The following CYP2C8 variants were observed in gnomAD, a reference collection of about 807,000 sequenced individuals.
The protein encoded by CYP2C8 is cytochrome P450 2C8.
A neutral mutation model predicts 41.3 loss-of-function variants in CYP2C8; 51 were observed. That is an observed-to-expected ratio of 1.24 (90% CI 0.99 to 1.56). The LOEUF (loss-of-function observed/expected upper bound fraction) is 1.56, where lower values mean the gene tolerates loss of function less well. CYP2C8 is among the 40% of genes most tolerant of loss of function. The probability of loss-of-function intolerance (pLI) is 0.00; values close to 1 mark genes in which losing one functional copy is unlikely to be tolerated. For missense variants in CYP2C8, 651 were observed against 579.9 expected (o/e 1.12, Z -1.26); for synonymous variants, 218 against 205.8 (o/e 1.06, Z -0.51).
chr10:95,055,199 C>T (rs1326981047), intron 5 of CYP2C8, among the ~76,000 whole-genome samples: 1 of 151,812 alleles, frequency 6.6e-6, no homozygotes, highest in African/African-American at 2.4e-5. Flanking sequence ...TTCCAGACTT[C>T]AAAACAAAAC....
At chr10:95,045,574 T>G (rs1376605820) in intron 6 of CYP2C8, among the ~76,000 whole-genome samples, 1 of 152,228 alleles carries the variant, frequency 6.6e-6, no homozygotes, top group African/African-American at 2.4e-5. Context: ...TCCAGACACT[T>G]CATCAGTGCT....
chr10:95,064,826 T>C lies in CYP2C8; in HGVS notation c.616A>G (p.Arg206Gly). 1 of 1,614,066 alleles carries C rather than the reference T, an allele frequency of 6.2e-7. No individual in the cohort carries two copies. The highest frequency in any genetic ancestry group is 8.5e-7 in the Non-Finnish European group (1 of 1,179,956). The change falls in exon 4 of 9, where the codon AGG (arginine) becomes GGG (glycine). Residue 206 changes from arginine to glycine, a missense_variant. Transcript: ENST00000371270. ...TLMKRFNENF[R>G]ILNSPWIQVC... ...TGGATCCATGGGGAGTTCAGAATCC[T>C]GAAGTTTTCATTGAATCTTTTCATC...
intron 6 of CYP2C8, among the ~76,000 whole-genome samples, 181 bp from the exon 7 acceptor site, chr10:95,043,258 C>T (rs529778234): frequency 4.9e-4 from 75 of 152,258 alleles, no homozygotes; most frequent in Non-Finnish European, 8.8e-4. Flanking sequence ...ATACCACTCT[C>T]CTACAAACTA....
rs375186872 is a variant in CYP2C8, at chr10:95,042,899, G to A, written c.1140C>T (p.Leu380=). The A allele has an allele frequency of 9.9e-6, 16 of 1,612,990 alleles. No homozygotes were observed. The highest frequency in any genetic ancestry group is 1.2e-5 in the Non-Finnish European group (14 of 1,179,048). ...VTTDTKFRNY[L]IPKGTTIMAL... ...AGAGAAACAAGCTTACCTTGGGGAT[G>A]AGGTAGTTTCTGAACTTAGTATCAG... Residue 380 remains leucine, a synonymous_variant, in exon 7 of 9, where the codon CTC becomes CTT. Coordinates refer to ENST00000371270, the MANE Select transcript of CYP2C8 (RefSeq NM_000770.3).
chr10:95,038,231 A>T (rs951058451), intron 8 of CYP2C8, among the ~76,000 whole-genome samples: 1 of 152,198 alleles, frequency 6.6e-6, no homozygotes, highest in Admixed American at 6.5e-5. Context: ...ATAACCTCTT[A>T]GCTTATGTAA....
At chr10:95,064,571 C>T (rs2033517707) in intron 4 of CYP2C8, among the ~76,000 whole-genome samples, 1 of 152,140 alleles carries the variant, frequency 6.6e-6, no homozygotes, top group African/African-American at 2.4e-5. Flanking sequence ...TGACCCCTTG[C>T]ACTTCTGATG....
chr10:95,064,930 C>A lies in CYP2C8; in HGVS notation c.512G>T (p.Gly171Val). 4 of 1,596,416 alleles carry A rather than the reference C, an allele frequency of 2.5e-6. No homozygotes were observed. Among genetic ancestry groups the A allele is most frequent in the Non-Finnish European group, 3.4e-6 (4 of 1,171,710 alleles). ...GCAGATCACATTGCAGGGAGCACAG[C>A]CCAGGATGAAAGTGGGATCACAGGG... ...ASPCDPTFIL[G>V]CAPCNVICSV... Residue 171 changes from glycine to valine, a missense_variant, in exon 4 of 9, where the codon GGC (glycine) becomes GTC (valine). By Grantham distance (109) the Gly-to-Val change is moderately radical (BLOSUM62 -3). Coordinates refer to ENST00000371270, the MANE Select transcript of CYP2C8 (RefSeq NM_000770.3).
At chr10:95,042,762 G>A (rs2033027994) in intron 7 of CYP2C8, 128 bp downstream of exon 7, 1 of 803,286 alleles carries the variant, frequency 1.2e-6, no homozygotes, top group African/African-American at 1.7e-5. Flanking sequence ...ATAGCAGAAA[G>A]TCCATCAAGC....
intron 5 of CYP2C8, among the ~76,000 whole-genome samples, chr10:95,054,096 T>G (rs1207319947): frequency 2.0e-5 from 3 of 152,108 alleles, no homozygotes; most frequent in Non-Finnish European, 4.4e-5. Context: ...CTTTTACTAC[T>G]GCTATTCAGC....
At chr10:95,050,193 G>A (rs2033189006) in intron 5 of CYP2C8, among the ~76,000 whole-genome samples, 1 of 152,070 alleles carries the variant, frequency 6.6e-6, no homozygotes, top group Admixed American at 6.5e-5. Flanking sequence ...CCTTTGGAAA[G>A]GAAAGGGAAG....
At chr10:95,045,318 A>G (rs2033085622) in intron 6 of CYP2C8, among the ~76,000 whole-genome samples, 1 of 152,216 alleles carries the variant, frequency 6.6e-6, no homozygotes, top group African/African-American at 2.4e-5. Context: ...CACCTTTGTA[A>G]GAGACTAACT....
chr10:95,048,570 T>G (rs575840089), intron 5 of CYP2C8, among the ~76,000 whole-genome samples: 2 of 152,282 alleles, frequency 1.3e-5, no homozygotes, highest in South Asian at 2.1e-4. Context: ...GACCTTCCGA[T>G]TAGCTGGGGT....
chr10:95,050,867 G>A lies in CYP2C8; in HGVS notation c.820-4916C>T, dbSNP rs893518628. On this transcript the variant is annotated intron_variant, in intron 5 of 8. Coordinates refer to ENST00000371270, the MANE Select transcript of CYP2C8 (RefSeq NM_000770.3). ...AATATCTGGAAAGCCTAACAAGAAG[G>A]ATGTGTACAAAAAAAACCCCAGACT... Among the ~76,000 whole-genome samples the A allele has an allele frequency of 7.4e-5, 10 of 135,730 alleles. No individual in the cohort carries two copies. The East Asian group carries it at 1.9e-3, about 26-fold the overall frequency. 89.0% of individuals were successfully genotyped at this position (135,730 alleles called of 152,430 possible).
chr10:95,045,798 C>T lies in CYP2C8; in HGVS notation c.961+12G>A, dbSNP rs1210197634. ...TTCTGAAATTCACTTTGTTCATCAT[C>T]TGTGGTCCTACCTGTGACCTCTGGG... On this transcript the variant is annotated intron_variant, in intron 6 of 8. Coordinates refer to ENST00000371270, the MANE Select transcript of CYP2C8 (RefSeq NM_000770.3). 1 of 1,613,814 alleles carries T rather than the reference C, an allele frequency of 6.2e-7. No homozygotes were observed. The highest frequency in any genetic ancestry group is 2.2e-5 in the East Asian group (1 of 44,876).
intron 7 of CYP2C8, among the ~76,000 whole-genome samples, chr10:95,039,690 C>T (rs539755804): frequency 4.6e-5 from 7 of 152,238 alleles, no homozygotes; most frequent in East Asian, 3.9e-4. Context: ...GCAGGAGTTT[C>T]GGATAATCTT....
At chr10:95,063,161 A>G (rs1465332097) in intron 4 of CYP2C8, among the ~76,000 whole-genome samples, 6 of 151,976 alleles carry the variant, frequency 3.9e-5, no homozygotes. Flanking sequence ...CGTTCTCTGT[A>G]TTTCCTGAAT....
chr10:95,058,555 T>C (rs1329495891), intron 4 of CYP2C8, 44 bp from the exon 5 acceptor site: 4 of 1,473,944 alleles, frequency 2.7e-6, no homozygotes, highest in African/African-American at 1.4e-5. Context: ...TCATAAGATA[T>C]ATGTATCTTA....
At chr10:95,068,174 C>T (rs1180031958) in intron 1 of CYP2C8, among the ~76,000 whole-genome samples, 1 of 152,192 alleles carries the variant, frequency 6.6e-6, no homozygotes, top group Non-Finnish European at 1.5e-5. Flanking sequence ...GATTCTGATA[C>T]AGCAGTCCTG....
intron 4 of CYP2C8, among the ~76,000 whole-genome samples, chr10:95,063,429 A>G (rs1353137197): frequency 6.6e-6 from 1 of 152,190 alleles, no homozygotes; most frequent in Non-Finnish European, 1.5e-5. Flanking sequence ...ATTTGATTGA[A>G]TCAACTACTG....
Sources: allele counts gnomAD v4.1 joint callset (sites outside exome capture counted in the v4.1 genomes callset), GRCh38; gene constraint gnomAD v4.1.1; transcripts MANE v1.5; gene names NCBI Gene and HGNC (gene_info 2026-07-23, HGNC 2026-07-21).